Variants in PTPRT observed in about 807,000 individuals in gnomAD.
PTPRT encodes the protein protein tyrosine phosphatase receptor type T.
In PTPRT, 56 loss-of-function variants were observed where a neutral mutation model predicts 176.8. That is an observed-to-expected ratio of 0.32 (90% confidence interval 0.26 to 0.40). The LOEUF (loss-of-function observed/expected upper bound fraction) is 0.40, where lower values mean the gene tolerates loss of function less well. Among genes scored for constraint, PTPRT ranks in the 10% least tolerant of loss-of-function variants. The pLI is 1.00. For missense variants in PTPRT, 1,540 were observed against 1,908.2 expected (o/e 0.81, Z 3.60); for synonymous variants, 783 against 739.0 (o/e 1.06, Z -0.96).
intron 1 of PTPRT, among the ~76,000 whole-genome samples, chr20:42,976,662 C>T (rs148574450): frequency 0.038 from 5,820 of 152,226 alleles, 282 homozygotes; most frequent in African/African-American, 0.11. Context: ...CTGCCTTGGC[C>T]TCCCCAAGTG....
At chr20:42,366,201 C>A (rs1435997206) in intron 9 of PTPRT, among the ~76,000 whole-genome samples, 1 of 152,210 alleles carries the variant, frequency 6.6e-6, no homozygotes, top group Non-Finnish European at 1.5e-5. Context: ...CAGAGGCCAC[C>A]CTTGAGGGTA....
At chr20:42,677,455 C>A (rs117790766) in intron 7 of PTPRT, among the ~76,000 whole-genome samples, 3 of 151,984 alleles carry the variant, frequency 2.0e-5, no homozygotes, top group Admixed American at 6.5e-5. Flanking sequence ...CAGAGAAACA[C>A]GGCCAGGGCC....
At chr20:42,656,459 G>GT (rs1319478534) in intron 7 of PTPRT, among the ~76,000 whole-genome samples, 1 of 152,194 alleles carries the variant, frequency 6.6e-6, no homozygotes, top group Non-Finnish European at 1.5e-5. Flanking sequence ...CAAACCACTT[G>GT]TTTGCAGAGT....
intron 6 of PTPRT, among the ~76,000 whole-genome samples, chr20:42,745,670 T>C (rs973289702): frequency 5.9e-5 from 9 of 152,248 alleles, no homozygotes; most frequent in African/African-American, 2.2e-4. Flanking sequence ...TGGGTTTAAC[T>C]GAGTTTAGCC....
At chr20:42,240,955 T>A (rs2056342174) in intron 14 of PTPRT, among the ~76,000 whole-genome samples, 1 of 152,250 alleles carries the variant, frequency 6.6e-6, no homozygotes, top group South Asian at 2.1e-4. Context: ...GGTACTGTTT[T>A]AAGTATATTG....
chr20:42,773,303 A>C (rs2077089307), intron 4 of PTPRT, among the ~76,000 whole-genome samples: 1 of 152,190 alleles, frequency 6.6e-6, no homozygotes, highest in South Asian at 2.1e-4. Context: ...TTGGGAGAGC[A>C]CTGGGCAGCG....
At chr20:42,559,033 G>A (rs753821217) in intron 7 of PTPRT, among the ~76,000 whole-genome samples, 42 of 152,172 alleles carry the variant, frequency 2.8e-4, no homozygotes, top group Admixed American at 1.8e-3. Context: ...ACCCCAAAAT[G>A]AGGCCAAAGG....
intron 18 of PTPRT, 126 bp downstream of exon 18, chr20:42,141,789 T>G (rs564688536): frequency 2.1e-5 from 19 of 892,984 alleles, no homozygotes; most frequent in Non-Finnish European, 5.4e-6. Context: ...CATCTTGGCA[T>G]GTAGATACAA....
intron 1 of PTPRT, among the ~76,000 whole-genome samples, chr20:42,899,857 GAAGA>G (rs2079371086): frequency 6.6e-6 from 1 of 152,200 alleles, no homozygotes; most frequent in Admixed American, 6.5e-5. Context: ...GGATGAGTCA[GAAGA>G]AAATTTCTGA....
rs147843426 is a variant in PTPRT, at chr20:42,331,789, G to A, written c.1866-15793C>T. 1.1e-4 allele frequency among the ~76,000 whole-genome samples: 16 copies of A among 152,254 alleles called. 1 individual carries two copies. Among genetic ancestry groups the A allele is most frequent in the African/African-American group, 3.1e-4 (13 of 41,522 alleles). On this transcript the variant is annotated intron_variant, in intron 11 of 30. Coordinates refer to ENST00000373187, the MANE Select transcript of PTPRT (RefSeq NM_007050.6). ...AATGCAAATTTTGAACAGGTTCACC[G>A]TGATATTCTTATATATACCAAATTC...
intron 7 of PTPRT, among the ~76,000 whole-genome samples, chr20:42,656,429 T>C (rs1261238967): frequency 6.6e-6 from 1 of 152,188 alleles, no homozygotes; most frequent in Non-Finnish European, 1.5e-5. Flanking sequence ...TAAAAGCCAT[T>C]GATTATCAGC....
intron 7 of PTPRT, among the ~76,000 whole-genome samples, chr20:42,663,153 C>T (rs1232734031): frequency 6.6e-6 from 1 of 151,956 alleles, no homozygotes; most frequent in East Asian, 1.9e-4. Flanking sequence ...CAGAATGAGC[C>T]GCCCTCCCCC....
the PTPRT span, among the ~76,000 whole-genome samples, chr20:42,066,285 G>T: frequency 3.3e-5 from 5 of 151,880 alleles, no homozygotes; most frequent in Non-Finnish European, 7.4e-5. Flanking sequence ...CAGGTGATCT[G>T]CCCGCCTCAG....
In PTPRT at chr20:42,478,848, A is replaced by G. The variant is rs62204926; in HGVS notation, c.1154-6286T>C. Among the ~76,000 whole-genome samples the G allele has an allele frequency of 7.8e-3, 1,186 of 152,242 alleles. 10 individuals carry two copies. The highest frequency in any genetic ancestry group is 0.014 in the Middle Eastern group (4 of 294). On this transcript the variant is annotated intron_variant, in intron 7 of 30. Coordinates refer to ENST00000373187, the MANE Select transcript of PTPRT (RefSeq NM_007050.6). ...CCACTGCCAACCTGTGAGCCCCTAG[A>G]TCTCCTCATTTTATAACTATAACAT... is the stretch of plus-strand genomic sequence containing the variant.
At chr20:42,773,047 C>A (rs2077085999) in intron 4 of PTPRT, among the ~76,000 whole-genome samples, 1 of 152,178 alleles carries the variant, frequency 6.6e-6, no homozygotes, top group Admixed American at 6.5e-5. Flanking sequence ...AGCTATGCTC[C>A]CTTGCCTCCT....
At chr20:42,925,772 C>CA (rs1979444635) in intron 1 of PTPRT, among the ~76,000 whole-genome samples, 1 of 152,182 alleles carries the variant, frequency 6.6e-6, no homozygotes, top group Non-Finnish European at 1.5e-5. Flanking sequence ...CCAGGTGAGG[C>CA]AGATGCTTCT....
At chr20:42,944,392 C>T (rs206650) in intron 1 of PTPRT, among the ~76,000 whole-genome samples, 12,342 of 152,218 alleles carry the variant, frequency 0.081, 1,465 homozygotes, top group African/African-American at 0.26. Flanking sequence ...AGCAGTGACA[C>T]TCCTGGAACA....
intron 1 of PTPRT, among the ~76,000 whole-genome samples, chr20:42,987,428 A>G (rs1301265440): frequency 6.6e-6 from 1 of 152,234 alleles, no homozygotes; most frequent in Non-Finnish European, 1.5e-5. Context: ...CCCTCAAGGC[A>G]GAAAGTCCTG....
chr20:42,203,258 T>A (rs886494601), intron 15 of PTPRT, among the ~76,000 whole-genome samples: 3 of 152,176 alleles, frequency 2.0e-5, no homozygotes, highest in Non-Finnish European at 4.4e-5. Context: ...TAAAAAGACC[T>A]CTCAGTAACA....
Sources: allele counts gnomAD v4.1 joint callset (sites outside exome capture counted in the v4.1 genomes callset), GRCh38; gene constraint gnomAD v4.1.1; transcripts MANE v1.5; gene names NCBI Gene and HGNC (gene_info 2026-07-23, HGNC 2026-07-21).